The following DDX10 variants were observed in gnomAD, a reference collection of about 807,000 sequenced individuals.
The protein encoded by DDX10 is probable ATP-dependent RNA helicase DDX10.
DDX10 carries 74 observed loss-of-function variants against 104.3 expected under a neutral mutation model. That is an observed-to-expected ratio of 0.71 (90% CI 0.59 to 0.86). DDX10 has a LOEUF of 0.86. Ranked by LOEUF, DDX10 falls within the 40% of genes least tolerant of loss-of-function variation. DDX10 has a pLI of 0.00. For synonymous variants in DDX10, 351 were observed against 353.4 expected (o/e 0.99, Z 0.08); for missense variants, 952 against 1,040.0 (o/e 0.92, Z 1.16).
intron 13 of DDX10, among the ~76,000 whole-genome samples, chr11:108,782,448 C>T (rs948410961): frequency 1.3e-5 from 2 of 152,060 alleles, no homozygotes; most frequent in South Asian, 2.1e-4. Flanking sequence ...CTCATTTCTC[C>T]GAGATCCCTT....
chr11:108,840,408 A>G (rs1375725162), intron 14 of DDX10, among the ~76,000 whole-genome samples: 2 of 148,848 alleles, frequency 1.3e-5, no homozygotes, highest in African/African-American at 2.4e-5. Flanking sequence ...GCAACTAATT[A>G]TTAGATAAAA....
At chr11:108,785,876 C>T (rs1031644605) in intron 13 of DDX10, among the ~76,000 whole-genome samples, 5 of 151,968 alleles carry the variant, frequency 3.3e-5, no homozygotes, top group African/African-American at 1.2e-4. Flanking sequence ...ATTATTTCTT[C>T]TACCAGCTTT....
At chr11:108,750,759 A>G (rs2134504879) in intron 13 of DDX10, among the ~76,000 whole-genome samples, 1 of 150,516 alleles carries the variant, frequency 6.6e-6, no homozygotes, top group Admixed American at 6.6e-5. Context: ...TTGTATATTT[A>G]ACTTTTTTCT....
Position 108,940,657 on chromosome 11 carries a change from G to C in DDX10, c.*234G>C, listed in dbSNP as rs1864098167. 5.4e-6 allele frequency: 2 copies of C among 370,344 alleles called. No homozygotes were observed. The highest frequency in any genetic ancestry group is 4.1e-5 in the African/African-American group (2 of 49,168). 22.9% of individuals were successfully genotyped at this position (370,344 alleles called of 1,614,324 possible). ...TACCATTTCCTGACCCCGTTTTCCAGCATGTGTTCTGTTAGATTTTTATCC... is the reference window on the plus strand; with the variant it reads ...TACCATTTCCTGACCCCGTTTTCCACCATGTGTTCTGTTAGATTTTTATCC... On this transcript the variant is annotated 3_prime_UTR_variant, in exon 18 of 18. Coordinates refer to ENST00000322536, the MANE Select transcript of DDX10 (RefSeq NM_004398.4).
intron 13 of DDX10, among the ~76,000 whole-genome samples, chr11:108,820,455 C>G (rs1248927911): frequency 6.6e-6 from 1 of 152,210 alleles, no homozygotes; most frequent in Admixed American, 6.5e-5. Context: ...GTCTGCTAGA[C>G]ACAGCATAGA....
At chr11:108,725,807 A>C (rs1394219576) in intron 13 of DDX10, among the ~76,000 whole-genome samples, 1 of 151,996 alleles carries the variant, frequency 6.6e-6, no homozygotes, top group Non-Finnish European at 1.5e-5. Context: ...GATTTCAATC[A>C]CATTTTAGGT....
chr11:108,667,056 A>G (rs1429177416), intron 1 of DDX10, among the ~76,000 whole-genome samples: 1 of 152,098 alleles, frequency 6.6e-6, no homozygotes, highest in Non-Finnish European at 1.5e-5. Context: ...TCCCTACTGC[A>G]TTGTCTTCAG....
intron 13 of DDX10, among the ~76,000 whole-genome samples, chr11:108,831,421 C>CAAAAA (rs779264219): frequency 4.3e-3 from 296 of 69,508 alleles, no homozygotes; most frequent in African/African-American, 0.012. Context: ...GAGACTGTCT[C>CAAAAA]AAAAAAAAAA....
At chr11:108,849,206 C>G (rs1266904243) in intron 15 of DDX10, among the ~76,000 whole-genome samples, 1 of 152,106 alleles carries the variant, frequency 6.6e-6, no homozygotes, top group African/African-American at 2.4e-5. Flanking sequence ...TGATCTTTCT[C>G]TTGCTTACTT....
intron 6 of DDX10, among the ~76,000 whole-genome samples, chr11:108,680,416 C>T (rs1340546051): frequency 6.6e-6 from 1 of 152,158 alleles, no homozygotes; most frequent in Non-Finnish European, 1.5e-5. Context: ...AGACTTACTA[C>T]ATTGCCCAGG....
At chr11:108,849,855 C>T (rs2134603638) in intron 15 of DDX10, among the ~76,000 whole-genome samples, 1 of 152,130 alleles carries the variant, frequency 6.6e-6, no homozygotes, top group Middle Eastern at 3.4e-3. Context: ...TAATTGTACT[C>T]CAGCCTTTTA....
chr11:108,791,895 G>A (rs1861876179), intron 13 of DDX10, among the ~76,000 whole-genome samples: 1 of 152,150 alleles, frequency 6.6e-6, no homozygotes, highest in Non-Finnish European at 1.5e-5. Flanking sequence ...CTGCGTATTT[G>A]ACTTTGCCAG....
At chr11:108,824,269 G>A (rs185060195) in intron 13 of DDX10, among the ~76,000 whole-genome samples, 35 of 152,120 alleles carry the variant, frequency 2.3e-4, no homozygotes, top group African/African-American at 8.4e-4. Flanking sequence ...TCTCGAACTC[G>A]TGACCTCAAG....
At chr11:108,890,854 G>C (rs1248297796) in intron 16 of DDX10, among the ~76,000 whole-genome samples, 1 of 152,148 alleles carries the variant, frequency 6.6e-6, no homozygotes, top group Non-Finnish European at 1.5e-5. Flanking sequence ...AATCCCACCT[G>C]TACATGCCAT....
At chr11:108,935,455 A>T (rs1441629177) in intron 17 of DDX10, among the ~76,000 whole-genome samples, 1 of 152,206 alleles carries the variant, frequency 6.6e-6, no homozygotes, top group Non-Finnish European at 1.5e-5. Flanking sequence ...AAAAGGCAAG[A>T]CCAAGTGGTG....
chr11:108,847,501 C>T (rs572215055), intron 15 of DDX10, among the ~76,000 whole-genome samples: 91 of 152,292 alleles, frequency 6.0e-4, no homozygotes, highest in South Asian at 1.0e-3. Flanking sequence ...AGATGTGGCT[C>T]TGGACTACTT....
intron 15 of DDX10, among the ~76,000 whole-genome samples, chr11:108,847,958 A>G (rs1002583852): frequency 9.9e-5 from 15 of 152,166 alleles, no homozygotes; most frequent in African/African-American, 3.6e-4. Context: ...TTTAAACTTT[A>G]TGCTTTTTAA....
chr11:108,694,081 G>A (rs1222018748), intron 9 of DDX10, among the ~76,000 whole-genome samples: 1 of 152,174 alleles, frequency 6.6e-6, no homozygotes, highest in Non-Finnish European at 1.5e-5. Flanking sequence ...ATTGTGGGCA[G>A]GACACAGTGG....
intron 13 of DDX10, among the ~76,000 whole-genome samples, chr11:108,763,773 T>C (rs947863051): frequency 1.3e-5 from 2 of 152,200 alleles, no homozygotes; most frequent in Non-Finnish European, 2.9e-5. Flanking sequence ...GTTCAAAATT[T>C]GTGTGTAATA....
Sources: gnomAD v4.1 joint callset for allele counts (sites outside exome capture counted in the v4.1 genomes callset) on GRCh38, gnomAD v4.1.1 for gene constraint, MANE v1.5 for transcripts, NCBI Gene and HGNC (gene_info 2026-07-23, HGNC 2026-07-21) for gene names.